Variants in IQCM observed in about 807,000 individuals in gnomAD.
IQCM encodes the protein IQ domain-containing protein M.
A neutral mutation model predicts 57.6 loss-of-function variants in IQCM; 45 were observed. The observed-to-expected ratio is 0.78, with a 90% confidence interval of 0.62 to 1.00. IQCM has a LOEUF of 1.00. IQCM is among the 50% of genes least tolerant of loss of function. The pLI is 0.00. For missense variants in IQCM, 468 were observed against 511.6 expected (o/e 0.91, Z 0.82); for synonymous variants, 148 against 158.9 (o/e 0.93, Z 0.51).
intron 12 of IQCM, among the ~76,000 whole-genome samples, chr4:149,505,096 G>A (rs765889582): frequency 6.6e-6 from 1 of 152,024 alleles, no homozygotes; most frequent in East Asian, 1.9e-4. Flanking sequence ...TAGTCCAAGT[G>A]AACTAAGACA....
chr4:149,662,128 G>T (rs1454984267), intron 7 of IQCM, among the ~76,000 whole-genome samples: 1 of 151,798 alleles, frequency 6.6e-6, no homozygotes, highest in Non-Finnish European at 1.5e-5. Flanking sequence ...CGTGGGTTTT[G>T]GTATGATGTG....
At chr4:149,750,851 G>T (rs1371914210) in intron 2 of IQCM, among the ~76,000 whole-genome samples, 2 of 152,134 alleles carry the variant, frequency 1.3e-5, no homozygotes, top group African/African-American at 4.8e-5. Context: ...TAAATTAGAG[G>T]CCAAAACTGT....
intron 2 of IQCM, among the ~76,000 whole-genome samples, chr4:149,793,378 T>C (rs1490408187): frequency 6.6e-6 from 1 of 152,120 alleles, no homozygotes; most frequent in Non-Finnish European, 1.5e-5. Flanking sequence ...TTTTCCACCT[T>C]TTGTCAGTTC....
At chr4:149,708,888 T>C (rs978953670) in intron 5 of IQCM, among the ~76,000 whole-genome samples, 3 of 152,096 alleles carry the variant, frequency 2.0e-5, no homozygotes, top group Non-Finnish European at 4.4e-5. Context: ...TTGCCAATGG[T>C]ATTAACAACC....
At chr4:149,412,586 TGA>T (rs1286071488) in intron 13 of IQCM, among the ~76,000 whole-genome samples, 1 of 152,146 alleles carries the variant, frequency 6.6e-6, no homozygotes, top group East Asian at 1.9e-4. Flanking sequence ...CAGTAACATG[TGA>T]GGTGCTGTAG....
intron 2 of IQCM, among the ~76,000 whole-genome samples, chr4:149,762,290 A>G (rs1403981674): frequency 6.6e-6 from 1 of 152,000 alleles, no homozygotes; most frequent in African/African-American, 2.4e-5. Flanking sequence ...GGTAGGGAGG[A>G]CAGGCCTCAA....
rs1275631202 is a variant in IQCM, at chr4:149,784,657, AC to A, written c.-49+30653del. ...TCTGCATCTCCTGACCTCGTGATCC[AC>A]CCGCCTCGGCCTCCCAAAATGCTGG... On this transcript the variant is annotated intron_variant, in intron 2 of 13. Transcript: ENST00000636793. Among the ~76,000 whole-genome samples the A allele has an allele frequency of 3.9e-5, 6 of 151,980 alleles. No homozygotes were observed. The East Asian group carries it at 1.2e-3, about 30-fold the overall frequency.
chr4:149,588,524 T>C (rs908891243), intron 8 of IQCM, among the ~76,000 whole-genome samples: 6 of 151,890 alleles, frequency 4.0e-5, no homozygotes, highest in Admixed American at 2.6e-4. Flanking sequence ...TCAATGTGAC[T>C]GTACTTGAAG....
At chr4:149,624,321 T>G (rs1404538399) in intron 7 of IQCM, among the ~76,000 whole-genome samples, 1 of 152,130 alleles carries the variant, frequency 6.6e-6, no homozygotes, top group African/African-American at 2.4e-5. Context: ...GCTTTTAAAA[T>G]TCTGACTTTT....
chr4:149,554,874 T>C (rs562618288), intron 10 of IQCM, among the ~76,000 whole-genome samples: 2 of 149,596 alleles, frequency 1.3e-5, no homozygotes, highest in East Asian at 4.1e-4. Flanking sequence ...TAATTTTTTG[T>C]GTTTTTAGTA....
chr4:149,781,487 G>A (rs946689270), intron 2 of IQCM, among the ~76,000 whole-genome samples: 17 of 152,170 alleles, frequency 1.1e-4, no homozygotes, highest in African/African-American at 3.1e-4. Context: ...GTATCACAAC[G>A]CTTGTGTTCA....
intron 2 of IQCM, among the ~76,000 whole-genome samples, chr4:149,808,269 G>A (rs1307139091): frequency 6.6e-6 from 1 of 152,090 alleles, no homozygotes; most frequent in Non-Finnish European, 1.5e-5. Context: ...CAGCAACGTG[G>A]ATGGAAATGG....
At chr4:149,479,675 C>G (rs1740566195) in intron 12 of IQCM, among the ~76,000 whole-genome samples, 1 of 152,114 alleles carries the variant, frequency 6.6e-6, no homozygotes, top group Non-Finnish European at 1.5e-5. Flanking sequence ...TTAGGTGAAA[C>G]TGAGTATGGT....
At chr4:149,420,856 G>C (rs1386497600) in intron 13 of IQCM, among the ~76,000 whole-genome samples, 3 of 151,962 alleles carry the variant, frequency 2.0e-5, no homozygotes, top group Non-Finnish European at 4.4e-5. Flanking sequence ...AAGGTGTAGT[G>C]AGGCACCAGC....
chr4:149,523,093 G>A (rs1303070862), intron 12 of IQCM, among the ~76,000 whole-genome samples: 2 of 152,080 alleles, frequency 1.3e-5, no homozygotes, highest in African/African-American at 4.8e-5. Context: ...ATTGCTTCCT[G>A]GTTTATAGAA....
intron 2 of IQCM, chr4:149,790,336 T>G (rs1038399287): frequency 4.8e-6 from 1 of 206,852 alleles, no homozygotes; most frequent in African/African-American, 2.3e-5. Context: ...GCTGCCTTCT[T>G]CCTTGTTGAG....
intron 7 of IQCM, among the ~76,000 whole-genome samples, chr4:149,623,383 T>G (rs1372396528): frequency 2.4e-4 from 37 of 152,168 alleles, no homozygotes; most frequent in Admixed American, 2.4e-3. Flanking sequence ...CTCACAGAGT[T>G]GAAAACACCA....
chr4:149,525,752 A>G (rs1462466132), intron 12 of IQCM, among the ~76,000 whole-genome samples: 1 of 151,964 alleles, frequency 6.6e-6, no homozygotes, highest in African/African-American at 2.4e-5. Context: ...GTAAATATAC[A>G]CTAACTACAT....
chr4:149,540,217 C>T (rs1747712758), intron 12 of IQCM, among the ~76,000 whole-genome samples: 1 of 150,796 alleles, frequency 6.6e-6, no homozygotes, highest in African/African-American at 2.4e-5. Flanking sequence ...CCAAATCAGC[C>T]AACACCTTGA....
Sources: gnomAD v4.1 joint callset for allele counts (sites outside exome capture counted in the v4.1 genomes callset) on GRCh38, gnomAD v4.1.1 for gene constraint, MANE v1.5 for transcripts, NCBI Gene and HGNC (gene_info 2026-07-23, HGNC 2026-07-21) for gene names.